Variants in CDH4 observed in about 807,000 individuals in gnomAD.
CDH4 encodes the protein cadherin 4, also known as cadherin-4.
A neutral mutation model predicts 86.0 loss-of-function variants in CDH4; 33 were observed. The observed-to-expected ratio is 0.38, with a 90% CI of 0.29 to 0.51. The LOEUF is 0.51. CDH4 is among the 20% of genes least tolerant of loss of function. The pLI, the probability that CDH4 is intolerant of heterozygous loss-of-function variation, is 0.86. For synonymous variants in CDH4, 555 were observed against 549.4 expected (o/e 1.01, Z -0.14); for missense variants, 1,114 against 1,307.4 (o/e 0.85, Z 2.28).
At chr20:61,344,486 G>A (rs1039014495) in intron 2 of CDH4, among the ~76,000 whole-genome samples, 18 of 152,194 alleles carry the variant, frequency 1.2e-4, no homozygotes, top group African/African-American at 4.3e-4. Context: ...TGGTGAGTTC[G>A]AGAGAAGCAA....
intron 6 of CDH4, among the ~76,000 whole-genome samples, chr20:61,872,658 G>A (rs1983859192): frequency 6.6e-6 from 1 of 152,210 alleles, no homozygotes; most frequent in African/African-American, 2.4e-5. Context: ...GAGTTCTGGG[G>A]CATCTCAGGC....
intron 2 of CDH4, among the ~76,000 whole-genome samples, chr20:61,315,152 G>A (rs983464925): frequency 1.3e-5 from 2 of 152,132 alleles, no homozygotes; most frequent in South Asian, 4.2e-4. Flanking sequence ...AGGGGGACCG[G>A]CCTCATCCTG....
At chr20:61,477,544 C>T (rs1008933456) in intron 2 of CDH4, among the ~76,000 whole-genome samples, 10 of 152,194 alleles carry the variant, frequency 6.6e-5, no homozygotes, top group Non-Finnish European at 1.2e-4. Flanking sequence ...GTGCTTTCTG[C>T]GGAGCGTGGA....
At position 61,518,989 on chromosome 20, in the gene CDH4, A is replaced by G. The variant is rs2085848043; in HGVS notation, c.170-224574A>G. Among the ~76,000 whole-genome samples, 1 of 152,120 alleles carries G rather than the reference A, an allele frequency of 6.6e-6. No homozygotes were observed. Among genetic ancestry groups the G allele is most frequent in the African/African-American group, 2.4e-5 (1 of 41,426 alleles). ...TTATCCATCCATCCATCCTTCATCC[A>G]TCCATTCATCCATGCATTCCCAGGA... On this transcript the variant is annotated intron_variant, in intron 2 of 15. Coordinates refer to ENST00000614565, the MANE Select transcript of CDH4 (RefSeq NM_001794.5). This position sits in a 1 kb window ranked among gnomAD's most constrained non-coding sequence, Gnocchi z 6.3.
chr20:61,483,189 A>G (rs1010750892), intron 2 of CDH4, among the ~76,000 whole-genome samples: 3 of 152,170 alleles, frequency 2.0e-5, no homozygotes, highest in Admixed American at 2.0e-4. Context: ...TGAGTGATGA[A>G]AAGAGAGAGT....
chr20:61,471,412 T>C lies in CDH4; in HGVS notation c.169+216475T>C, dbSNP rs538102402. ...TGATTGTATTTATTTGGGTCTTCTCTCTTTTTTTTCTCAATCTAGCTAAAG... is the reference window on the plus strand; with the variant it reads ...TGATTGTATTTATTTGGGTCTTCTCCCTTTTTTTTCTCAATCTAGCTAAAG... On this transcript the variant is annotated intron_variant, in intron 2 of 15. Transcript: ENST00000614565. Among the ~76,000 whole-genome samples the C allele has an allele frequency of 4.6e-4, 70 of 151,616 alleles. 1 individual carries two copies. The highest frequency in any genetic ancestry group is 6.8e-4 in the Non-Finnish European group (46 of 67,950).
At chr20:61,372,125 G>C (rs1298583014) in intron 2 of CDH4, among the ~76,000 whole-genome samples, 1 of 152,184 alleles carries the variant, frequency 6.6e-6, no homozygotes, top group African/African-American at 2.4e-5. Context: ...GTTCTCTGCC[G>C]GGTGTTTTGG....
At chr20:61,845,246 C>G (rs1006120756) in intron 5 of CDH4, among the ~76,000 whole-genome samples, 3 of 152,282 alleles carry the variant, frequency 2.0e-5, no homozygotes, top group African/African-American at 7.2e-5. Context: ...AGCCCATTGT[C>G]CCTCACACCC....
chr20:61,504,041 A>G (rs929034621), intron 2 of CDH4, among the ~76,000 whole-genome samples: 4 of 152,214 alleles, frequency 2.6e-5, no homozygotes, highest in Non-Finnish European at 1.5e-5. Flanking sequence ...AGACCACAGC[A>G]GCCTTCCCCA....
chr20:61,773,278 G>T, intron 4 of CDH4, 96 bp downstream of exon 4: 6 of 1,245,422 alleles, frequency 4.8e-6, no homozygotes, highest in Non-Finnish European at 6.5e-6. Flanking sequence ...TCCGCGTTTG[G>T]TGTCTGAGAA....
chr20:61,678,632 G>A (rs577039901), intron 2 of CDH4, among the ~76,000 whole-genome samples: 4 of 152,262 alleles, frequency 2.6e-5, no homozygotes, highest in Non-Finnish European at 4.4e-5. Flanking sequence ...TTCTCTCCTC[G>A]TCCTGGAGGC....
chr20:61,783,123 CTG>C (rs777159904), intron 4 of CDH4, among the ~76,000 whole-genome samples: 27 of 152,170 alleles, frequency 1.8e-4, no homozygotes, highest in Non-Finnish European at 2.4e-4. Flanking sequence ...TCAATGAAAA[CTG>C]TTAGTCACCA....
chr20:61,789,299 A>G (rs987932068), intron 4 of CDH4, among the ~76,000 whole-genome samples: 1 of 152,174 alleles, frequency 6.6e-6, no homozygotes, highest in Non-Finnish European at 1.5e-5. Context: ...TGTAATGCCT[A>G]TTGAAGTTGA....
intron 4 of CDH4, among the ~76,000 whole-genome samples, chr20:61,820,405 G>A (rs1419913375): frequency 3.3e-5 from 5 of 152,250 alleles, no homozygotes; most frequent in Non-Finnish European, 4.4e-5. Context: ...GCGGGCCTCC[G>A]GGCACCTGCC....
intron 2 of CDH4, among the ~76,000 whole-genome samples, chr20:61,260,471 G>A (rs1411579179): frequency 1.3e-5 from 2 of 152,232 alleles, no homozygotes; most frequent in African/African-American, 2.4e-5. Context: ...CAGGAGTTAT[G>A]TATTGGGGGT....
At chr20:61,303,445 T>G (rs920808549) in intron 2 of CDH4, among the ~76,000 whole-genome samples, 3 of 112,816 alleles carry the variant, frequency 2.7e-5, no homozygotes, top group Non-Finnish European at 5.7e-5. Flanking sequence ...CTGCCCCGTC[T>G]GGCCCTGCTC....
At chr20:61,671,730 GTGGATGGA>G (rs2087390196) in intron 2 of CDH4, among the ~76,000 whole-genome samples, 1 of 151,142 alleles carries the variant, frequency 6.6e-6, no homozygotes, top group Non-Finnish European at 1.5e-5. Flanking sequence ...GAATGGATGG[GTGGATGGA>G]TGATGAATGA....
At chr20:61,652,811 A>T (rs1452152577) in intron 2 of CDH4, among the ~76,000 whole-genome samples, 2 of 145,720 alleles carry the variant, frequency 1.4e-5, no homozygotes, top group South Asian at 2.2e-4. Flanking sequence ...AAAAAAAAAT[A>T]CATTTTCCTT....
chr20:61,451,127 C>A (rs1470853998), intron 2 of CDH4, among the ~76,000 whole-genome samples: 3 of 105,976 alleles, frequency 2.8e-5, no homozygotes, highest in East Asian at 5.6e-4. Context: ...CTCACGCCCC[C>A]CCCCTTCCCT....
Sources: gnomAD v4.1 joint callset for allele counts (sites outside exome capture counted in the v4.1 genomes callset) on GRCh38, gnomAD v4.1.1 for gene constraint, Gnocchi (gnomAD v3.1) non-coding constraint, MANE v1.5 for transcripts, NCBI Gene and HGNC (gene_info 2026-07-23, HGNC 2026-07-21) for gene names.